DCSTAMP: variants seen among roughly 807,000 people sequenced by gnomAD.
DCSTAMP encodes the protein dendrocyte expressed seven transmembrane protein.
Under a neutral mutation model 33.8 loss-of-function variants are expected in DCSTAMP, and 25 were observed. That is an observed-to-expected ratio of 0.74 (90% confidence interval 0.54 to 1.03). The LOEUF is 1.03. Among genes scored for constraint, DCSTAMP ranks in the 50% least tolerant of loss-of-function variants. The pLI is 0.00. For missense variants in DCSTAMP, 531 were observed against 556.8 expected, an observed-to-expected ratio of 0.95 and a Z score of 0.47; for synonymous variants, 245 against 216.7, an observed-to-expected ratio of 1.13 and a Z score of -1.15.
intron 1 of DCSTAMP, among the ~76,000 whole-genome samples, chr8:104,344,778 T>C (rs1054881266): frequency 5.9e-5 from 9 of 152,112 alleles, no homozygotes; most frequent in African/African-American, 2.2e-4. Context: ...AAATTCCAGT[T>C]TACTGATTTG....
chr8:104,354,340 G>C (rs1450855161), intron 2 of DCSTAMP, among the ~76,000 whole-genome samples: 1 of 152,138 alleles, frequency 6.6e-6, no homozygotes, highest in Non-Finnish European at 1.5e-5. Context: ...GTGACCTTGT[G>C]GTCTGCTTAA....
intron 1 of DCSTAMP, among the ~76,000 whole-genome samples, chr8:104,348,085 G>A (rs1167185778): frequency 2.0e-5 from 3 of 152,194 alleles, no homozygotes; most frequent in Non-Finnish European, 4.4e-5. Context: ...TTCTCCCCCA[G>A]TGCCTCCTGA....
chr8:104,348,133 C>T (rs1810361205), intron 1 of DCSTAMP, among the ~76,000 whole-genome samples: 1 of 152,182 alleles, frequency 6.6e-6, no homozygotes, highest in African/African-American at 2.4e-5. Context: ...AGACTCTGAC[C>T]TCCAGAACTG....
Position 104,348,700 on chromosome 8 carries a change from G to C in DCSTAMP, c.148G>C (p.Ala50Pro). 1 of 1,614,130 alleles carries C rather than the reference G, an allele frequency of 6.2e-7. No homozygotes were observed. The highest frequency in any genetic ancestry group is 8.5e-7 in the Non-Finnish European group (1 of 1,180,018). The change falls in exon 2 of 4, where the codon GCC (alanine) becomes CCC (proline). Residue 50 changes from alanine to proline, a missense_variant. Transcript: ENST00000297581. ...ALISVGLLSVAACWFLPSIIA... is the reference protein window; with the variant it reads ...ALISVGLLSVPACWFLPSIIA... ...TATTTCAGTGGGCCTCCTGTCTGTGGCCGCCTGCTGGTTTCTGCCATCAAT... is the reference window on the plus strand; with the variant it reads ...TATTTCAGTGGGCCTCCTGTCTGTGCCCGCCTGCTGGTTTCTGCCATCAAT...
At chr8:104,345,084 C>T (rs879573499) in intron 1 of DCSTAMP, among the ~76,000 whole-genome samples, 2 of 152,068 alleles carry the variant, frequency 1.3e-5, no homozygotes, top group East Asian at 3.9e-4. Flanking sequence ...CCACCACGCT[C>T]AGCCTCCAGT....
chr8:104,354,659 C>T (rs1810563675), intron 2 of DCSTAMP, among the ~76,000 whole-genome samples: 1 of 152,182 alleles, frequency 6.6e-6, no homozygotes, highest in Non-Finnish European at 1.5e-5. Flanking sequence ...TGTATTTCTA[C>T]AAACCCATTT....
chr8:104,341,136 C>G (rs959146032), intron 1 of DCSTAMP, among the ~76,000 whole-genome samples: 1 of 152,216 alleles, frequency 6.6e-6, no homozygotes, highest in African/African-American at 2.4e-5. Flanking sequence ...CACATTTCTT[C>G]CTCCCACACT....
chr8:104,356,425 T>C lies in DCSTAMP; in HGVS notation c.*227T>C. 2.9e-6 allele frequency: 1 copy of C among 348,544 alleles called. No individual in the cohort carries two copies. The highest frequency in any genetic ancestry group is 5.2e-6 in the Non-Finnish European group (1 of 192,824). The allele number at this position is 348,544 out of a possible 1,614,324, so 21.6% of individuals were successfully genotyped here. A position where few individuals can be genotyped will look rare whatever the true frequency, so the allele number is the denominator to read the frequency against. On this transcript the variant is annotated 3_prime_UTR_variant, in exon 4 of 4. Coordinates refer to ENST00000297581, the MANE Select transcript of DCSTAMP (RefSeq NM_030788.4). ...TCTATGTTCCAAACAAACCACATGA[T>C]CTTGCCTGTGTCACAATGTAACAAG...
At position 104,354,881 on chromosome 8, in the gene DCSTAMP, A is replaced by C. The variant is rs539294681; in HGVS notation, c.1034A>C (p.Gln345Pro). Reference sequence around the variant, plus strand: ...TATTTTATTCTTTCATTTTAGAAACAAGGAACTCAAGATATTATCCATGAT... The same window carrying C: ...TATTTTATTCTTTCATTTTAGAAACCAGGAACTCAAGATATTATCCATGAT... The part of the protein sequence containing the change: ...EVHLKLHGEK[Q>P]GTQDIIHDSS... Residue 345 changes from glutamine (Q) to proline (P), a missense_variant, in exon 3 of 4, where the codon CAA (glutamine) becomes CCA (proline). Physicochemically the swap from Gln to Pro is moderately conservative, Grantham distance 76. Transcript: ENST00000297581. 5.5e-5 allele frequency: 87 copies of C among 1,577,820 alleles called. No homozygotes were observed. The highest frequency in any genetic ancestry group is 7.3e-5 in the Non-Finnish European group (85 of 1,156,596).
At chr8:104,355,320 G>A in intron 3 of DCSTAMP, 135 bp downstream of exon 3, 1 of 865,518 alleles carries the variant, frequency 1.2e-6, no homozygotes. Flanking sequence ...ATAGGACATT[G>A]AGGAAAAATG....
intron 1 of DCSTAMP, among the ~76,000 whole-genome samples, chr8:104,345,295 C>A (rs554890844): frequency 2.0e-4 from 31 of 152,180 alleles, no homozygotes; most frequent in African/African-American, 7.0e-4. Context: ...GTCATATATT[C>A]AATTAGGGAA....
chr8:104,351,207 T>G (rs1810452461), intron 2 of DCSTAMP, among the ~76,000 whole-genome samples: 1 of 152,346 alleles, frequency 6.6e-6, no homozygotes, highest in Middle Eastern at 3.4e-3. Flanking sequence ...TATTTGTGCT[T>G]ATGCTGACAT....
At chr8:104,352,314 C>T (rs947546348) in intron 2 of DCSTAMP, among the ~76,000 whole-genome samples, 58 of 152,234 alleles carry the variant, frequency 3.8e-4, no homozygotes, top group Admixed American at 2.8e-3. Flanking sequence ...TGAAGAATCC[C>T]GTTAATTACA....
Position 104,351,977 on chromosome 8 carries a change from T to G in DCSTAMP, c.1029+2396T>G, listed in dbSNP as rs560879950. On this transcript the variant is annotated intron_variant, in intron 2 of 3. Transcript: ENST00000297581. ...TTTAACTTTTATTGTTATTTTTAAT[T>G]GACACATAATCATTGTACATATTTA... Among the ~76,000 whole-genome samples, 7 of 152,344 alleles carry G rather than the reference T, an allele frequency of 4.6e-5. No individual in the cohort carries two copies. The South Asian group carries it at 1.5e-3, about 32-fold the overall frequency.
chr8:104,355,717 T>C (rs1174998180), intron 3 of DCSTAMP, among the ~76,000 whole-genome samples: 1 of 152,198 alleles, frequency 6.6e-6, no homozygotes, highest in Non-Finnish European at 1.5e-5. Context: ...TACATATTTA[T>C]TAATGAGGGA....
At chr8:104,354,786 T>C (rs1403774839) in intron 2 of DCSTAMP, 91 bp from the exon 3 acceptor site, 8 of 792,164 alleles carry the variant, frequency 1.0e-5, no homozygotes, top group African/African-American at 1.7e-5. Context: ...TATTTGAAGA[T>C]AGTGCCATGT....
chr8:104,353,591 T>C (rs1013197241), intron 2 of DCSTAMP, among the ~76,000 whole-genome samples: 44 of 152,234 alleles, frequency 2.9e-4, no homozygotes, highest in African/African-American at 1.1e-3. Context: ...CCTATCTTTT[T>C]AATAAGAGAA....
chr8:104,347,886 C>A (rs1285050798), intron 1 of DCSTAMP, among the ~76,000 whole-genome samples: 1 of 152,186 alleles, frequency 6.6e-6, no homozygotes, highest in African/African-American at 2.4e-5. Flanking sequence ...CCCAGATTAT[C>A]TGGGTGGGCC....
chr8:104,344,587 G>A (rs1053143084), intron 1 of DCSTAMP, among the ~76,000 whole-genome samples: 2 of 151,962 alleles, frequency 1.3e-5, no homozygotes, highest in Non-Finnish European at 2.9e-5. Context: ...CAACTCTCAG[G>A]GGCCACCCTA....
Sources: gnomAD v4.1 joint callset for allele counts (sites outside exome capture counted in the v4.1 genomes callset) on GRCh38, gnomAD v4.1.1 for gene constraint, MANE v1.5 for transcripts, NCBI Gene and HGNC (gene_info 2026-07-23, HGNC 2026-07-21) for gene names.